The following PCDHGB2 variants were observed in gnomAD, a reference collection of about 807,000 sequenced individuals.
PCDHGB2 encodes the protein protocadherin gamma-B2.
In PCDHGB2, 55 loss-of-function variants were observed where a neutral mutation model predicts 59.3. That is an observed-to-expected ratio of 0.93 (90% CI 0.75 to 1.16). The LOEUF (loss-of-function observed/expected upper bound fraction) is 1.16. Among genes scored for constraint, PCDHGB2 ranks in the 50% most tolerant of loss-of-function variants. The pLI, the probability that PCDHGB2 is intolerant of heterozygous loss-of-function variation, is 0.00. For missense variants in PCDHGB2, 1,228 were observed against 1,198.5 expected, an observed-to-expected ratio of 1.02 and a Z score of -0.36; for synonymous variants, 516 against 512.0, an observed-to-expected ratio of 1.01 and a Z score of -0.11.
rs1307889557 is a variant in PCDHGB2, at chr5:141,486,267, C to G, written c.2422-8540C>G. On this transcript the variant is annotated intron_variant, in intron 1 of 3. Transcript: ENST00000522605. The surrounding 1 kb of genome is among the most constrained non-coding windows in gnomAD (Gnocchi z 5.0). ...GGAACCCTCCCCGAGAGTGCAGAAC[C>G]TGGCACTGTGGTGGCACTTATCAGT... 1 of 1,614,128 alleles carries G rather than the reference C, an allele frequency of 6.2e-7. No homozygotes were observed. Among genetic ancestry groups the G allele is most frequent in the South Asian group, 1.1e-5 (1 of 91,072 alleles).
intron 1 of PCDHGB2, chr5:141,418,002 G>A: frequency 1.9e-6 from 3 of 1,613,916 alleles, no homozygotes; most frequent in Non-Finnish European, 2.5e-6. Flanking sequence ...TCGGTGGTGG[G>A]GAACCTCGCT....
At chr5:141,499,300 C>G (rs2154592463) in intron 2 of PCDHGB2, among the ~76,000 whole-genome samples, 1 of 152,292 alleles carries the variant, frequency 6.6e-6, no homozygotes, top group South Asian at 2.1e-4. Context: ...ACTACCATCC[C>G]TCCTCTGAGA....
intron 1 of PCDHGB2, chr5:141,422,542 G>T (rs368252552): frequency 1.2e-5 from 19 of 1,613,878 alleles, no homozygotes; most frequent in Admixed American, 1.7e-5. Context: ...AGAAACTCAT[G>T]TCTGGCTGAA....
At chr5:141,479,842 G>A (rs1167563746) in intron 1 of PCDHGB2, among the ~76,000 whole-genome samples, 3 of 152,172 alleles carry the variant, frequency 2.0e-5, no homozygotes, top group African/African-American at 7.2e-5. Context: ...TCCATGCAAG[G>A]TGACTGCAAG....
chr5:141,478,135 C>T (rs1307702473), intron 1 of PCDHGB2: 7 of 1,613,970 alleles, frequency 4.3e-6, no homozygotes, highest in African/African-American at 1.3e-5. Flanking sequence ...CTCCTGAAGC[C>T]CGAGCCGAGT....
chr5:141,430,809 G>A (rs949727881), intron 1 of PCDHGB2: 5 of 1,527,014 alleles, frequency 3.3e-6, no homozygotes, highest in Non-Finnish European at 4.4e-6. Context: ...GTCCTGCTGG[G>A]AATCCTCCTG....
chr5:141,474,687 A>G (rs369586568), intron 1 of PCDHGB2, among the ~76,000 whole-genome samples: 35 of 152,302 alleles, frequency 2.3e-4, no homozygotes, highest in African/African-American at 7.7e-4. Flanking sequence ...CTACCCCTTC[A>G]CTTATGTTCA....
intron 1 of PCDHGB2, chr5:141,423,202 G>T: frequency 6.2e-7 from 1 of 1,613,618 alleles, no homozygotes; most frequent in Non-Finnish European, 8.5e-7. Flanking sequence ...CTCGGCCACC[G>T]TCACGCTCAC....
chr5:141,361,413 C>T lies in PCDHGB2; in HGVS notation c.1278C>T (p.Asp426=), dbSNP rs1294377498. ...ACAATCTCACCATCACAGCCACCGACGGGGGCAAGCCGCCCCTCTCCTCCA... is the reference window on the plus strand; with the variant it reads ...ACAATCTCACCATCACAGCCACCGATGGGGGCAAGCCGCCCCTCTCCTCCA... ...PEYNLTITAT[D]GGKPPLSSSI... is the part of the protein sequence containing the mutation. The change falls in exon 1 of 4, where the codon GAC becomes GAT. Residue 426 remains aspartate, a synonymous_variant. Coordinates refer to ENST00000522605, the MANE Select transcript of PCDHGB2 (RefSeq NM_018923.3). 1 of 1,613,902 alleles carries T rather than the reference C, an allele frequency of 6.2e-7. No individual in the cohort carries two copies. The highest frequency in any genetic ancestry group is 1.3e-5 in the African/African-American group (1 of 74,934).
At chr5:141,451,468 C>G (rs2098716484) in intron 1 of PCDHGB2, among the ~76,000 whole-genome samples, 1 of 152,202 alleles carries the variant, frequency 6.6e-6, no homozygotes, top group South Asian at 2.1e-4. Context: ...AGGTCTACCT[C>G]AGTTCCTTGC....
At chr5:141,374,144 G>A in intron 1 of PCDHGB2, 1 of 1,610,858 alleles carries the variant, frequency 6.2e-7, no homozygotes, top group Admixed American at 1.7e-5. Flanking sequence ...CACGCTCCTG[G>A]GGACGCTGTG....
chr5:141,495,199 G>A (rs1205495643), intron 2 of PCDHGB2, among the ~76,000 whole-genome samples: 1 of 152,164 alleles, frequency 6.6e-6, no homozygotes, highest in African/African-American at 2.4e-5. Context: ...CCCATGTACT[G>A]CCTAACCCCC....
Position 141,477,876 on chromosome 5 carries a change from G to A in PCDHGB2, c.2422-16931G>A, listed in dbSNP as rs1412801533. The A allele has an allele frequency of 4.3e-6, 7 of 1,614,144 alleles. No individual in the cohort carries two copies. Among genetic ancestry groups the A allele is most frequent in the Non-Finnish European group, 5.9e-6 (7 of 1,180,030 alleles). ...ATGCTGCCTCGAGGTACCTCAGCTG[G>A]CCACCTAGTGTCACGGGTGGTAGGC... On this transcript the variant is annotated intron_variant, in intron 1 of 3. Coordinates refer to ENST00000522605, the MANE Select transcript of PCDHGB2 (RefSeq NM_018923.3). The surrounding 1 kb of genome is among the most constrained non-coding windows in gnomAD (Gnocchi z 4.9).
At chr5:141,384,834 C>G (rs369584315) in intron 1 of PCDHGB2, 2 of 1,613,478 alleles carry the variant, frequency 1.2e-6, no homozygotes, top group Non-Finnish European at 1.7e-6. Flanking sequence ...TCGTGGTGGC[C>G]GTCCAGGACC....
Position 141,372,061 on chromosome 5 carries a change from AC to A in PCDHGB2, c.2421+9506del, listed in dbSNP as rs773665526. On this transcript the variant is annotated intron_variant, in intron 1 of 3. Coordinates refer to ENST00000522605, the MANE Select transcript of PCDHGB2 (RefSeq NM_018923.3). ...CTGCGCGTGTTGGTGGACGACCGCA[AC>A]GACAATGCACCGCTGGTGCTGTACC... 71 of 1,613,454 alleles carry A rather than the reference AC, an allele frequency of 4.4e-5. No homozygotes were observed. The African/African-American group carries it at 9.1e-4, about 21-fold the overall frequency.
intron 1 of PCDHGB2, chr5:141,388,006 T>C (rs1353495946): frequency 6.7e-7 from 1 of 1,482,372 alleles, no homozygotes; most frequent in African/African-American, 1.4e-5. Flanking sequence ...CCCGAGGAAA[T>C]GCCCAAGGGC....
At position 141,409,906 on chromosome 5, in the gene PCDHGB2, T is replaced by C. The variant is rs779572711; in HGVS notation, c.2421+47350T>C. Reference sequence around the variant, plus strand: ...CGCGGGTGCTGTACCCAGCTCTGGGTCCTGACGGCTCCGCGTTCTTCGATA... The same window carrying C: ...CGCGGGTGCTGTACCCAGCTCTGGGCCCTGACGGCTCCGCGTTCTTCGATA... On this transcript the variant is annotated intron_variant, in intron 1 of 3. Transcript: ENST00000522605. 6 of 1,613,214 alleles carry C rather than the reference T, an allele frequency of 3.7e-6. No homozygotes were observed. The South Asian group carries it at 6.6e-5, about 18-fold the overall frequency.
intron 1 of PCDHGB2, chr5:141,415,086 G>C: frequency 5.6e-6 from 9 of 1,613,554 alleles, no homozygotes; most frequent in Non-Finnish European, 6.8e-6. Context: ...GAGCCCTGCT[G>C]GACAGAGACG....
chr5:141,394,316 G>C (rs779061595), intron 1 of PCDHGB2: 1 of 1,613,976 alleles, frequency 6.2e-7, no homozygotes, highest in African/African-American at 1.3e-5. Context: ...GGGCGCCCCT[G>C]TCCTCGTATA....
Sources: allele counts gnomAD v4.1 joint callset (sites outside exome capture counted in the v4.1 genomes callset), GRCh38; gene constraint gnomAD v4.1.1; non-coding constraint Gnocchi (gnomAD v3.1); transcripts MANE v1.5; gene names NCBI Gene and HGNC (gene_info 2026-07-23, HGNC 2026-07-21).